DPP6: variants seen among roughly 807,000 people sequenced by gnomAD.
The protein encoded by DPP6 is A-type potassium channel modulatory protein DPP6.
DPP6 carries 69 observed loss-of-function variants against 122.6 expected under a neutral mutation model. That is an observed-to-expected ratio of 0.56 (90% CI 0.46 to 0.69). The LOEUF (loss-of-function observed/expected upper bound fraction) is 0.69. Among genes scored for constraint, DPP6 ranks in the 30% least tolerant of loss-of-function variants. The probability of loss-of-function intolerance (pLI) is 0.00; values close to 1 mark genes in which losing one functional copy is unlikely to be tolerated. For synonymous variants in DPP6, 418 were observed against 433.1 expected, an observed-to-expected ratio of 0.97 and a Z score of 0.43; for missense variants, 928 against 1,116.9, an observed-to-expected ratio of 0.83 and a Z score of 2.41.
intron 1 of DPP6, among the ~76,000 whole-genome samples, chr7:154,405,795 C>T (rs552658201): frequency 3.9e-5 from 6 of 152,264 alleles, no homozygotes; most frequent in South Asian, 4.1e-4. Context: ...CCTCCTCCAT[C>T]GCAAAATGAA....
At chr7:153,895,268 T>TG (rs1271646324) in intron 1 of DPP6, among the ~76,000 whole-genome samples, 1 of 152,230 alleles carries the variant, frequency 6.6e-6, no homozygotes, top group Non-Finnish European at 1.5e-5. Context: ...AGCTGAAGGC[T>TG]GCCCTCGACC....
chr7:154,821,778 G>T lies in DPP6; in HGVS notation c.1666+14666G>T, dbSNP rs115588589. ...TTCCTCAAGTCAAAGTATAGCATTT[G>T]CTTTTCAGTTCAATCAAAGGAAACA... On this transcript the variant is annotated intron_variant, in intron 16 of 25. Transcript: ENST00000377770. This position sits in a 1 kb window ranked among gnomAD's most constrained non-coding sequence, Gnocchi z 4.2. Among the ~76,000 whole-genome samples the T allele has an allele frequency of 4.6e-5, 7 of 151,576 alleles. No homozygotes were observed. The highest frequency in any genetic ancestry group is 2.9e-5 in the Non-Finnish European group (2 of 67,960).
At chr7:154,363,083 C>G in intron 1 of DPP6, among the ~76,000 whole-genome samples, 1 of 152,152 alleles carries the variant, frequency 6.6e-6, no homozygotes, top group East Asian at 1.9e-4. Context: ...TTGGTGAGCC[C>G]TAGGCATTGC....
intron 5 of DPP6, among the ~76,000 whole-genome samples, chr7:154,572,863 A>G (rs545149558): frequency 2.3e-4 from 35 of 151,424 alleles, no homozygotes; most frequent in Non-Finnish European, 4.6e-4. Context: ...TATTTTTGGT[A>G]TAGACAGGGT....
intron 1 of DPP6, among the ~76,000 whole-genome samples, chr7:154,398,844 G>C (rs1815326645): frequency 6.6e-6 from 1 of 152,174 alleles, no homozygotes; most frequent in South Asian, 2.1e-4. Flanking sequence ...AAAGAAGCAA[G>C]ACTCAGGCAC....
intron 20 of DPP6, among the ~76,000 whole-genome samples, 197 bp from the exon 21 acceptor site, chr7:154,880,691 G>GT (rs1237024028): frequency 2.0e-5 from 3 of 152,196 alleles, no homozygotes; most frequent in African/African-American, 7.2e-5. Flanking sequence ...GTGCTTTGAG[G>GT]TTTTAACGTG....
chr7:154,559,434 G>A (rs561201934), intron 4 of DPP6, among the ~76,000 whole-genome samples: 2 of 150,122 alleles, frequency 1.3e-5, no homozygotes, highest in South Asian at 4.2e-4. Flanking sequence ...GTTCCAGAAA[G>A]TGAAGAGAGA....
intron 1 of DPP6, among the ~76,000 whole-genome samples, chr7:154,336,155 A>T (rs1585979445): frequency 6.6e-6 from 1 of 152,148 alleles, no homozygotes; most frequent in Non-Finnish European, 1.5e-5. Flanking sequence ...TCTGAAATGC[A>T]GCGTGGCACA....
intron 25 of DPP6, among the ~76,000 whole-genome samples, chr7:154,892,062 G>A (rs906094463): frequency 3.3e-5 from 5 of 152,188 alleles, no homozygotes; most frequent in African/African-American, 1.2e-4. Context: ...GGCACCGGGG[G>A]CGTGGTGGTG....
intron 17 of DPP6, among the ~76,000 whole-genome samples, chr7:154,856,114 T>A (rs1472910613): frequency 6.6e-6 from 1 of 152,226 alleles, no homozygotes; most frequent in African/African-American, 2.4e-5. Context: ...AATTTAAAAG[T>A]TTTTTCTAAT....
chr7:153,838,451 C>T, the DPP6 span, among the ~76,000 whole-genome samples: 4 of 152,016 alleles, frequency 2.6e-5, no homozygotes, highest in African/African-American at 9.7e-5. Flanking sequence ...ATAACTCTGC[C>T]CCTGATTGAC....
intron 1 of DPP6, among the ~76,000 whole-genome samples, chr7:153,988,454 G>C (rs1312575397): frequency 2.0e-5 from 3 of 152,142 alleles, no homozygotes; most frequent in Non-Finnish European, 4.4e-5. Flanking sequence ...GCAAAGAGAT[G>C]GACAGTGTTA....
intron 16 of DPP6, among the ~76,000 whole-genome samples, chr7:154,812,703 G>A (rs192519742): frequency 2.0e-5 from 3 of 152,020 alleles, no homozygotes; most frequent in Non-Finnish European, 4.4e-5. Flanking sequence ...GTATAAATGT[G>A]GGGGGGACAT....
At chr7:154,233,596 G>A (rs771944919) in intron 1 of DPP6, among the ~76,000 whole-genome samples, 2 of 152,152 alleles carry the variant, frequency 1.3e-5, no homozygotes, top group African/African-American at 2.4e-5. Flanking sequence ...ATGTGAGATG[G>A]AGGCAGAGAT....
At chr7:154,066,084 G>T (rs1802707582) in intron 1 of DPP6, among the ~76,000 whole-genome samples, 1 of 145,308 alleles carries the variant, frequency 6.9e-6, no homozygotes, top group African/African-American at 2.5e-5. Flanking sequence ...ATTTGGGACA[G>T]AGTCTCTCTC....
At chr7:153,843,588 G>C in the DPP6 span, among the ~76,000 whole-genome samples, 1 of 152,180 alleles carries the variant, frequency 6.6e-6, no homozygotes, top group South Asian at 2.1e-4. Flanking sequence ...TTTAGTGAGG[G>C]TGGGGGTAGG....
chr7:153,847,329 C>A, the DPP6 span, among the ~76,000 whole-genome samples: 1 of 152,172 alleles, frequency 6.6e-6, no homozygotes, highest in South Asian at 2.1e-4. Context: ...CCTTTTACAT[C>A]TTTGACCATA....
At chr7:154,248,868 G>GAA (rs542936174) in intron 1 of DPP6, among the ~76,000 whole-genome samples, 10 of 140,930 alleles carry the variant, frequency 7.1e-5, no homozygotes, top group Non-Finnish European at 1.1e-4. Flanking sequence ...TCCGTCTCAG[G>GAA]AAAAAAAAAA....
intron 15 of DPP6, among the ~76,000 whole-genome samples, chr7:154,806,758 C>T (rs1210701114): frequency 6.6e-6 from 1 of 152,212 alleles, no homozygotes; most frequent in Non-Finnish European, 1.5e-5. Flanking sequence ...AGCCCTCCCA[C>T]AAGCAAGGAT....
Sources: gnomAD v4.1 joint callset for allele counts (sites outside exome capture counted in the v4.1 genomes callset) on GRCh38, gnomAD v4.1.1 for gene constraint, Gnocchi (gnomAD v3.1) non-coding constraint, MANE v1.5 for transcripts, NCBI Gene and HGNC (gene_info 2026-07-23, HGNC 2026-07-21) for gene names.